Variants in TNFRSF8 observed in about 807,000 individuals in gnomAD.
TNFRSF8 encodes the protein TNF receptor superfamily member 8.
TNFRSF8 carries 26 observed loss-of-function variants against 70.8 expected under a neutral mutation model. That is an observed-to-expected ratio of 0.37 (90% confidence interval 0.27 to 0.51). The LOEUF (loss-of-function observed/expected upper bound fraction) is 0.51, where lower values mean the gene tolerates loss of function less well. Ranked by LOEUF, TNFRSF8 falls within the 20% of genes least tolerant of loss-of-function variation. The pLI is 0.94. For synonymous variants in TNFRSF8, 356 were observed against 339.2 expected, an observed-to-expected ratio of 1.05 and a Z score of -0.54; for missense variants, 720 against 807.9, an observed-to-expected ratio of 0.89 and a Z score of 1.32.
chr1:12,079,930 C>A (rs920031582), intron 1 of TNFRSF8, among the ~76,000 whole-genome samples: 1 of 149,962 alleles, frequency 6.7e-6, no homozygotes, highest in African/African-American at 2.5e-5. Context: ...TTTATCACTA[C>A]TTTATTTTTT....
chr1:12,070,654 ACC>A (rs1640826358), intron 1 of TNFRSF8, among the ~76,000 whole-genome samples: 1 of 151,984 alleles, frequency 6.6e-6, no homozygotes, highest in Non-Finnish European at 1.5e-5. Flanking sequence ...AATCAACAGG[ACC>A]TGTGGATGGG....
At chr1:12,104,872 T>C (rs1229870991) in intron 4 of TNFRSF8, among the ~76,000 whole-genome samples, 5 of 152,178 alleles carry the variant, frequency 3.3e-5, no homozygotes, top group South Asian at 4.1e-4. Flanking sequence ...TCCTAGAAGA[T>C]TGGGGTTGGC....
intron 1 of TNFRSF8, among the ~76,000 whole-genome samples, chr1:12,079,371 G>GC (rs940118836): frequency 2.0e-5 from 3 of 152,012 alleles, no homozygotes; most frequent in African/African-American, 7.2e-5. Flanking sequence ...CCACCCAAAA[G>GC]CCCCCCCTCC....
chr1:12,096,737 G>A (rs1641337937), intron 2 of TNFRSF8, among the ~76,000 whole-genome samples: 1 of 152,100 alleles, frequency 6.6e-6, no homozygotes, highest in Non-Finnish European at 1.5e-5. Context: ...ACTAGGAGGT[G>A]GGTCCTATTA....
chr1:12,100,956 C>CA (rs57753344), intron 3 of TNFRSF8, among the ~76,000 whole-genome samples: 3,964 of 113,820 alleles, frequency 0.035, 75 homozygotes, highest in South Asian at 0.057. Flanking sequence ...GACTCTGTCT[C>CA]AAAAAAAAAA....
At position 12,114,081 on chromosome 1, in the gene TNFRSF8, C is replaced by G. The variant is rs75695275; in HGVS notation, c.794-1496C>G. The stretch of plus-strand genomic sequence containing the variant: ...CTCTCCTAACTGAAACCCCACGAGG[C>G]AGTGGAGTGGTGTATTAGTAGCTAA... On this transcript the variant is annotated intron_variant, in intron 7 of 14. Coordinates refer to ENST00000263932, the MANE Select transcript of TNFRSF8 (RefSeq NM_001243.5). Among the ~76,000 whole-genome samples, 845 of 152,274 alleles carry G rather than the reference C, an allele frequency of 5.5e-3. 8 individuals are homozygous for G. Among genetic ancestry groups the G allele is most frequent in the African/African-American group, 0.02 (815 of 41,540 alleles).
intron 8 of TNFRSF8, among the ~76,000 whole-genome samples, chr1:12,117,280 G>A (rs2101016828): frequency 6.6e-6 from 1 of 152,076 alleles, no homozygotes. Context: ...ACGGGGTTTT[G>A]CCATGTTGGC....
chr1:12,094,344 G>A (rs189961857), intron 2 of TNFRSF8, among the ~76,000 whole-genome samples: 1 of 152,276 alleles, frequency 6.6e-6, no homozygotes, highest in Non-Finnish European at 1.5e-5. Context: ...GAGCATTCGG[G>A]GCAGAGGACC....
intron 7 of TNFRSF8, among the ~76,000 whole-genome samples, chr1:12,114,553 A>G (rs542500962): frequency 2.0e-5 from 3 of 152,128 alleles, no homozygotes; most frequent in African/African-American, 7.2e-5. Flanking sequence ...CCATTTGCCT[A>G]ATCTACTGAT....
At chr1:12,129,825 C>T (rs924637125) in intron 12 of TNFRSF8, among the ~76,000 whole-genome samples, 8 of 152,178 alleles carry the variant, frequency 5.3e-5, no homozygotes, top group African/African-American at 1.9e-4. Context: ...ATTTGCTCCT[C>T]GGTCATTACT....
intron 1 of TNFRSF8, among the ~76,000 whole-genome samples, chr1:12,064,775 C>T (rs1255962758): frequency 6.6e-6 from 1 of 152,210 alleles, no homozygotes; most frequent in Non-Finnish European, 1.5e-5. Flanking sequence ...CCCCCTTTCC[C>T]CCCAAGAGGG....
intron 8 of TNFRSF8, among the ~76,000 whole-genome samples, 169 bp downstream of exon 8, chr1:12,115,898 T>A (rs769346386): frequency 3.3e-5 from 5 of 152,182 alleles, no homozygotes; most frequent in Non-Finnish European, 7.3e-5. Context: ...ACTCAGTGAA[T>A]GGAATGATAA....
In TNFRSF8 at chr1:12,110,121, C is replaced by T; in HGVS notation, c.593C>T (p.Thr198Ile). 5 of 1,613,650 alleles carry T rather than the reference C, an allele frequency of 3.1e-6. No homozygotes were observed. The highest frequency in any genetic ancestry group is 4.2e-6 in the Non-Finnish European group (5 of 1,179,812). ...AGCACCATGCCTGTAAGAGGGGGCA[C>T]CCGCCTCGCCCAGGAAGCTGCTTCT... ...SASTMPVRGGTRLAQEAASKL... is the reference protein window; with the variant it reads ...SASTMPVRGGIRLAQEAASKL... The change falls in exon 6 of 15, where the codon ACC becomes ATC. Residue 198 changes from threonine to isoleucine, a missense_variant. By Grantham distance (89) the Thr-to-Ile change is moderately conservative. Coordinates refer to ENST00000263932, the MANE Select transcript of TNFRSF8 (RefSeq NM_001243.5). The surrounding 1 kb of genome is among the most constrained non-coding windows in gnomAD (Gnocchi z 4.0).
chr1:12,100,918 C>G (rs1393728187), intron 3 of TNFRSF8, among the ~76,000 whole-genome samples: 2 of 150,140 alleles, frequency 1.3e-5, no homozygotes, highest in Admixed American at 1.3e-4. Context: ...GATTGTGCTA[C>G]TGCACTCCAG....
intron 9 of TNFRSF8, 30 bp downstream of exon 9, chr1:12,123,407 G>A: frequency 6.4e-7 from 1 of 1,573,348 alleles, no homozygotes; most frequent in Middle Eastern, 1.7e-4. Flanking sequence ...TCTCTGTTTG[G>A]CTGCTGCAGG....
chr1:12,073,160 G>A (rs908807268), intron 1 of TNFRSF8, among the ~76,000 whole-genome samples: 2 of 152,192 alleles, frequency 1.3e-5, no homozygotes, highest in Non-Finnish European at 2.9e-5. Flanking sequence ...TCAGGAGGCT[G>A]AGGTGAGAGG....
At chr1:12,074,531 C>T (rs1411128308) in intron 1 of TNFRSF8, among the ~76,000 whole-genome samples, 1 of 152,136 alleles carries the variant, frequency 6.6e-6, no homozygotes, top group Non-Finnish European at 1.5e-5. Context: ...CCGCCCGCCT[C>T]GGCCTCCCAA....
rs778497629 is a variant in TNFRSF8, at chr1:12,142,322, G to A, written c.1579G>A (p.Val527Met). ...IYIMKADTVI[V>M]GTVKAELPEG... ...CATCATGAAGGCTGACACCGTGATC[G>A]TGGGGACCGTGAAGGCTGAGCTGCC... The change falls in exon 15 of 15, where the codon GTG (valine) becomes ATG (methionine). Residue 527 changes from valine (V) to methionine (M), a missense_variant. Coordinates refer to ENST00000263932, the MANE Select transcript of TNFRSF8 (RefSeq NM_001243.5). The surrounding 1 kb of genome is among the most constrained non-coding windows in gnomAD (Gnocchi z 5.0). 3.1e-6 allele frequency: 5 copies of A among 1,604,310 alleles called. No homozygotes were observed. Among genetic ancestry groups the A allele is most frequent in the East Asian group, 4.5e-5 (2 of 44,674 alleles).
rs115972618 is a variant in TNFRSF8 at position 12,137,879 on chromosome 1, G to A, written c.1336-350G>A. 4.2e-3 allele frequency among the ~76,000 whole-genome samples: 643 copies of A among 152,078 alleles called. 4 individuals carry two copies. The highest frequency in any genetic ancestry group is 0.015 in the African/African-American group (616 of 41,474). ...TGGTATAACCCTGGGCCAATTACTC[G>A]ACTCCTCTGTGCCTCAGTTTCCTCA... On this transcript the variant is annotated intron_variant, in intron 13 of 14. Transcript: ENST00000263932.
Sources: gnomAD v4.1 joint callset for allele counts (sites outside exome capture counted in the v4.1 genomes callset) on GRCh38, gnomAD v4.1.1 for gene constraint, Gnocchi (gnomAD v3.1) non-coding constraint, MANE v1.5 for transcripts, NCBI Gene and HGNC (gene_info 2026-07-23, HGNC 2026-07-21) for gene names.